The following FRY variants were observed in gnomAD, a reference collection of about 807,000 sequenced individuals.
FRY encodes FRY microtubule binding protein, also known as protein furry homolog.
FRY carries 128 observed loss-of-function variants against 348.4 expected under a neutral mutation model. The observed-to-expected ratio is 0.37, with a 90% CI of 0.32 to 0.43. The LOEUF (loss-of-function observed/expected upper bound fraction) is 0.43, where lower values mean the gene tolerates loss of function less well. FRY is among the 20% of genes least tolerant of loss of function. The pLI, the probability that FRY is intolerant of heterozygous loss-of-function variation, is 1.00. For missense variants in FRY, 2,736 were observed against 3,695.2 expected (o/e 0.74, Z 6.73); for synonymous variants, 1,370 against 1,374.7 (o/e 1.00, Z 0.08).
intron 55 of FRY, among the ~76,000 whole-genome samples, chr13:32,274,635 G>A (rs189954513): frequency 1.4e-4 from 21 of 148,850 alleles, no homozygotes; most frequent in African/African-American, 5.0e-4. Context: ...ACCTGGGAGG[G>A]GGAGCTTGCA....
At chr13:32,126,408 A>G (rs771660903) in intron 7 of FRY, among the ~76,000 whole-genome samples, 2 of 152,254 alleles carry the variant, frequency 1.3e-5, no homozygotes, top group Non-Finnish European at 2.9e-5. Context: ...ATAACTGAGC[A>G]ATATTCTAAG....
rs1249862260 is a variant in FRY at position 32,294,421 on chromosome 13, C to T, written c.8634C>T (p.Ala2878=). The T allele has an allele frequency of 6.2e-7, 1 of 1,614,012 alleles. No individual in the cohort carries two copies. The highest frequency in any genetic ancestry group is 1.1e-5 in the South Asian group (1 of 91,084). ...LSDLKKHLKE[A]SAVIAADPLY... is the part of the protein sequence containing the mutation. ...ACCTAAAGAAACACCTGAAGGAAGC[C>T]AGTGCAGTCATTGCAGCTGACCCTC... The change falls in exon 60 of 61, where the codon GCC becomes GCT. Residue 2878 remains alanine (A), a synonymous_variant. Transcript: ENST00000542859.
rs781237366 is a variant in FRY at position 32,247,431 on chromosome 13, C to A, written c.6937C>A (p.His2313Asn). 12 of 1,613,184 alleles carry A rather than the reference C, an allele frequency of 7.4e-6. No individual in the cohort carries two copies. In the Admixed American group the frequency reaches 1.8e-4, roughly 25 times the overall value. Reference sequence around the variant, plus strand: ...CAGTGACCTCTCAAAAATAGAAATACATCGAGTGTGGACTAGTGCTTCCAA... The same window carrying A: ...CAGTGACCTCTCAAAAATAGAAATAAATCGAGTGTGGACTAGTGCTTCCAA... The part of the protein sequence containing the change: ...QHSDLSKIEI[H>N]RVWTSASKEL... Residue 2313 changes from histidine (H) to asparagine (N), a missense_variant, in exon 48 of 61, where the codon CAT becomes AAT. Coordinates refer to ENST00000542859, the MANE Select transcript of FRY (RefSeq NM_023037.3).
rs1189389654 is a variant in FRY, at chr13:32,298,012, G to T, written c.*2552G>T. The T allele has an allele frequency of 1.3e-5, 2 of 152,198 alleles. No homozygotes were observed. Among genetic ancestry groups the T allele is most frequent in the African/African-American group, 4.8e-5 (2 of 41,456 alleles). The allele number at this position is 152,198 out of a possible 1,614,324, so 9.4% of individuals were successfully genotyped here. ...TATAGTCTCCAAATATAGTGTTTTA[G>T]AAAAGGCACTGCACATTTTTAGAGG... On this transcript the variant is annotated 3_prime_UTR_variant, in exon 61 of 61. Coordinates refer to ENST00000542859, the MANE Select transcript of FRY (RefSeq NM_023037.3).
At chr13:32,213,212 G>A (rs1157944703) in intron 35 of FRY, among the ~76,000 whole-genome samples, 1 of 152,176 alleles carries the variant, frequency 6.6e-6, no homozygotes, top group African/African-American at 2.4e-5. Context: ...GCCCCAGTAA[G>A]CCCACAGTGC....
chr13:32,097,126 C>T (rs1024467544), intron 2 of FRY, among the ~76,000 whole-genome samples: 1 of 152,086 alleles, frequency 6.6e-6, no homozygotes. Context: ...TGGGTGGACA[C>T]AGTCACCTTT....
Position 32,289,770 on chromosome 13 carries a change from C to A in FRY, c.8580+27C>A, listed in dbSNP as rs574012446. 3.5e-6 allele frequency: 4 copies of A among 1,154,604 alleles called. No homozygotes were observed. In the South Asian group the frequency reaches 3.7e-5, roughly 11 times the overall value. The allele number at this position is 1,154,604 out of a possible 1,614,324, so 71.5% of individuals were successfully genotyped here. A position where few individuals can be genotyped will look rare whatever the true frequency, so the allele number is the denominator to read the frequency against. ...TGAGTCCACACGCTTCCCAACCCCACGTCCCACCACAAAAACCATTTCTTT... is the reference window on the plus strand; with the variant it reads ...TGAGTCCACACGCTTCCCAACCCCAAGTCCCACCACAAAAACCATTTCTTT... On this transcript the variant is annotated intron_variant, in intron 59 of 60. Transcript: ENST00000542859.
chr13:32,294,378 T>C lies in FRY; in HGVS notation c.8591T>C (p.Met2864Thr), dbSNP rs753039229. The C allele has an allele frequency of 1.2e-6, 2 of 1,612,226 alleles. No homozygotes were observed. The highest frequency in any genetic ancestry group is 1.7e-6 in the Non-Finnish European group (2 of 1,178,284). Residue 2864 changes from methionine to threonine, a missense_variant, in exon 60 of 61, where the codon ATG becomes ACG. Met to Thr is a moderately conservative substitution (Grantham distance 81). Around this residue, in one of 9 missense-constraint regions of FRY, gnomAD observed 157 missense variants for 215.2 expected, o/e 0.73. Transcript: ENST00000542859. ...EVSSMPELLN[M>T]SRELSDLKKH... is the part of the protein sequence containing the mutation. ...TTTTTTTTTAAATAGCTGCTGAATATGTCCAGGGAACTGAGTGACCTAAAG... is the reference window on the plus strand; with the variant it reads ...TTTTTTTTTAAATAGCTGCTGAATACGTCCAGGGAACTGAGTGACCTAAAG...
intron 2 of FRY, among the ~76,000 whole-genome samples, chr13:32,088,258 G>A (rs1195088296): frequency 6.6e-6 from 1 of 152,204 alleles, no homozygotes; most frequent in Non-Finnish European, 1.5e-5. Flanking sequence ...TCCCTGTTGA[G>A]TGTAGTGATA....
intron 2 of FRY, among the ~76,000 whole-genome samples, chr13:32,086,639 G>T (rs1875881262): frequency 6.6e-6 from 1 of 152,004 alleles, no homozygotes; most frequent in African/African-American, 2.4e-5. Flanking sequence ...AGAAGAAAAA[G>T]AAATTCTAAC....
chr13:32,225,698 T>C (rs1885542853), intron 38 of FRY, 91 bp from the exon 39 acceptor site: 4 of 994,816 alleles, frequency 4.0e-6, no homozygotes, highest in Non-Finnish European at 6.5e-6. Context: ...TTTTAACATG[T>C]TCCTCCTGAG....
intron 1 of FRY, chr13:32,060,904 T>A: frequency 2.8e-6 from 1 of 356,506 alleles, no homozygotes; most frequent in Non-Finnish European, 5.6e-6. Context: ...CCTGTTTTAG[T>A]TTGTCTTCTA....
chr13:32,173,946 A>C (rs1458948092), intron 19 of FRY, among the ~76,000 whole-genome samples: 3 of 152,250 alleles, frequency 2.0e-5, no homozygotes, highest in African/African-American at 7.2e-5. Flanking sequence ...AGAGTTTGGC[A>C]AATTGAAAGA....
intron 8 of FRY, among the ~76,000 whole-genome samples, chr13:32,132,232 A>C: frequency 6.6e-6 from 1 of 151,112 alleles, no homozygotes; most frequent in Non-Finnish European, 1.5e-5. Flanking sequence ...TCTTACTATA[A>C]AAAGGAATCT....
At chr13:32,114,181 C>A (rs1878153476) in intron 3 of FRY, among the ~76,000 whole-genome samples, 1 of 152,082 alleles carries the variant, frequency 6.6e-6, no homozygotes, top group South Asian at 2.1e-4. Context: ...TATAAATATC[C>A]CACACAAGTA....
intron 1 of FRY, among the ~76,000 whole-genome samples, chr13:32,068,010 A>G (rs1874368972): frequency 1.3e-5 from 2 of 152,112 alleles, no homozygotes; most frequent in South Asian, 4.1e-4. Flanking sequence ...GACTGGTTAG[A>G]AATGCAGACT....
At chr13:32,228,098 G>A (rs956465470) in intron 39 of FRY, among the ~76,000 whole-genome samples, 2 of 152,190 alleles carry the variant, frequency 1.3e-5, no homozygotes, top group Non-Finnish European at 2.9e-5. Flanking sequence ...TTTATTAAGA[G>A]CACAGTTAGT....
chr13:32,079,023 C>T lies in FRY; in HGVS notation c.260C>T (p.Ala87Val), dbSNP rs984334491. ...GAACGCAAGATTCGTATCATTATGG[C>T]AGAGCCCCTGGTGAGTACATGCCGT... ...QAERKIRIIM[A>V]EPLEKPLTKS... is the part of the protein sequence containing the mutation. Residue 87 changes from alanine to valine, a missense_variant, in exon 2 of 61, where the codon GCA becomes GTA. Ala to Val is a moderately conservative substitution (Grantham distance 64, BLOSUM62 0). Around this residue, in one of 9 missense-constraint regions of FRY, gnomAD observed 309 missense variants for 418.1 expected, o/e 0.74. Transcript: ENST00000542859. The T allele has an allele frequency of 6.2e-7, 1 of 1,611,270 alleles. No individual in the cohort carries two copies. The highest frequency in any genetic ancestry group is 8.5e-7 in the Non-Finnish European group (1 of 1,177,444).
intron 2 of FRY, among the ~76,000 whole-genome samples, chr13:32,080,641 G>A (rs534370351): frequency 6.6e-6 from 1 of 152,264 alleles, no homozygotes; most frequent in South Asian, 2.1e-4. Context: ...AGTATCCAAA[G>A]TCCCATTGCC....
Sources: gnomAD v4.1 joint callset for allele counts (sites outside exome capture counted in the v4.1 genomes callset) on GRCh38, gnomAD v4.1.1 for gene constraint, gnomAD v4.1.1 regional missense constraint, MANE v1.5 for transcripts, NCBI Gene and HGNC (gene_info 2026-07-23, HGNC 2026-07-21) for gene names.